The following CRH variants were observed in gnomAD, a reference collection of about 807,000 sequenced individuals.
CRH encodes the protein corticotropin-releasing hormone.
CRH carries 6 observed loss-of-function variants against 11.1 expected under a neutral mutation model. The ratio of observed to expected loss-of-function variants is 0.54; its 90% CI spans 0.30 to 1.07. The LOEUF is 1.07. Among genes scored for constraint, CRH ranks in the 50% least tolerant of loss-of-function variants. The pLI, the probability that CRH is intolerant of heterozygous loss-of-function variation, is 0.07. For missense variants in CRH, 289 were observed against 269.4 expected (o/e 1.07, Z -0.51); for synonymous variants, 155 against 132.0 (o/e 1.17, Z -1.19).
rs1414237665 is a variant in CRH at position 66,177,170 on chromosome 8, G to A, written c.308C>T (p.Ser103Leu). The change falls in exon 2 of 2, where the codon TCG (serine) becomes TTG (leucine). Residue 103 changes from serine (S) to leucine (L), a missense_variant. Around this residue, in one of 2 missense-constraint regions of CRH, gnomAD observed 261 missense variants for 219.0 expected, o/e 1.19. Coordinates refer to ENST00000276571, the MANE Select transcript of CRH (RefSeq NM_000756.4). ...LLAGGSGSRP[S>L]PEQATANFFR... ...AAAGTTGGCGGTCGCCTGTTCCGGC[G>A]AAGGGCGGCTGCCGCTGCCTCCGGC... 1.9e-6 allele frequency: 3 copies of A among 1,541,642 alleles called. No individual in the cohort carries two copies. The highest frequency in any genetic ancestry group is 2.7e-5 in the African/African-American group (2 of 73,002).
intron 1 of CRH, among the ~76,000 whole-genome samples, chr8:66,177,901 A>G (rs1368446823): frequency 2.0e-5 from 3 of 150,510 alleles, no homozygotes; most frequent in African/African-American, 7.4e-5. Context: ...ATTGAGAACT[A>G]CTGCCTCATG....
In CRH at chr8:66,177,185, C is replaced by A. The variant is rs772847264; in HGVS notation, c.293G>T (p.Ser98Ile). The part of the protein sequence containing the change: ...SPASSLLAGG[S>I]GSRPSPEQAT... ...CTGTTCCGGCGAAGGGCGGCTGCCGCTGCCTCCGGCGAGGAGCGAGGAGGC... is the reference window on the plus strand; with the variant it reads ...CTGTTCCGGCGAAGGGCGGCTGCCGATGCCTCCGGCGAGGAGCGAGGAGGC... The change falls in exon 2 of 2, where the codon AGC becomes ATC. Residue 98 changes from serine to isoleucine, a missense_variant. By Grantham distance (142) the Ser-to-Ile change is moderately radical (BLOSUM62 -2). Coordinates refer to ENST00000276571, the MANE Select transcript of CRH (RefSeq NM_000756.4). The A allele has an allele frequency of 1.3e-6, 2 of 1,541,144 alleles. No homozygotes were observed. Among genetic ancestry groups the A allele is most frequent in the South Asian group, 2.4e-5 (2 of 84,326 alleles).
rs769613042 is a variant in CRH at position 66,177,184 on chromosome 8, G to T, written c.294C>A (p.Ser98Arg). ...SPASSLLAGG[S>R]GSRPSPEQAT... ...CCTGTTCCGGCGAAGGGCGGCTGCC[G>T]CTGCCTCCGGCGAGGAGCGAGGAGG... The change falls in exon 2 of 2, where the codon AGC becomes AGA. Residue 98 changes from serine to arginine, a missense_variant. By Grantham distance (110) the Ser-to-Arg change is moderately radical. Transcript: ENST00000276571. 8 of 1,540,878 alleles carry T rather than the reference G, an allele frequency of 5.2e-6. No individual in the cohort carries two copies. Among genetic ancestry groups the T allele is most frequent in the Non-Finnish European group, 7.0e-6 (8 of 1,146,488 alleles).
intron 1 of CRH, among the ~76,000 whole-genome samples, chr8:66,177,971 TG>T (rs1811932363): frequency 6.8e-6 from 1 of 147,494 alleles, no homozygotes; most frequent in Non-Finnish European, 1.5e-5. Context: ...TAGAAGGGGG[TG>T]GGGGAGCTCC....
intron 1 of CRH, among the ~76,000 whole-genome samples, chr8:66,177,918 C>T (rs1811931762): frequency 6.6e-6 from 1 of 151,970 alleles, no homozygotes; most frequent in South Asian, 2.1e-4. Flanking sequence ...CATGGTCCTC[C>T]CTCTCCACTT....
In CRH at chr8:66,176,607, G is replaced by T; in HGVS notation, c.*280C>A. 4.3e-6 allele frequency: 1 copy of T among 233,958 alleles called. No homozygotes were observed. Among genetic ancestry groups the T allele is most frequent in the Non-Finnish European group, 8.1e-6 (1 of 123,956 alleles). 14.5% of individuals were successfully genotyped at this position (233,958 alleles called of 1,614,324 possible). A position where few individuals can be genotyped will look rare whatever the true frequency, so the allele number is the denominator to read the frequency against. ...TTCTGTCTGCTTTTTCAAACAAAAC[G>T]TTTTCTCACAGGTCTACATTCTCTT... On this transcript the variant is annotated 3_prime_UTR_variant, in exon 2 of 2. Coordinates refer to ENST00000276571, the MANE Select transcript of CRH (RefSeq NM_000756.4).
At chr8:66,177,628 T>G (rs1047826570) in intron 1 of CRH, 137 bp from the exon 2 acceptor site, 3 of 1,255,170 alleles carry the variant, frequency 2.4e-6, no homozygotes, top group Non-Finnish European at 3.2e-6. Flanking sequence ...GGCTTTGGCC[T>G]CAGTGATTCG....
rs1245185900 is a variant in CRH, at chr8:66,177,213, G to A, written c.265C>T (p.Pro89Ser). ...LNKSPAAPLS[P>S]ASSLLAGGSG... ...CCTCCGGCGAGGAGCGAGGAGGCGGGCGAAAGGGGAGCGGCCGGGCTCTTG... is the reference window on the plus strand; with the variant it reads ...CCTCCGGCGAGGAGCGAGGAGGCGGACGAAAGGGGAGCGGCCGGGCTCTTG... Residue 89 changes from proline to serine, a missense_variant, in exon 2 of 2, where the codon CCC becomes TCC. Physicochemically the swap from Pro to Ser is moderately conservative, Grantham distance 74. This residue lies in a region of CRH where 261 missense variants were observed against 219.0 expected (regional missense o/e 1.19). Coordinates refer to ENST00000276571, the MANE Select transcript of CRH (RefSeq NM_000756.4). The A allele has an allele frequency of 5.8e-6, 9 of 1,541,208 alleles. 1 individual carries two copies. In the Middle Eastern group the frequency reaches 8.5e-4, roughly 145 times the overall value.
chr8:66,178,095 C>G (rs28364014), intron 1 of CRH, among the ~76,000 whole-genome samples, 198 bp downstream of exon 1: 6,206 of 152,172 alleles, frequency 0.041, 394 homozygotes, highest in African/African-American at 0.14. Context: ...AGTCCGCGAA[C>G]ACGCGCGCAC....
chr8:66,176,762 C>A lies in CRH; in HGVS notation c.*125G>T. ...GGGTATAGGCTCTCTCCCTCTCTCC[C>A]TCTATGTTTCAAGCTATATAAAAAT... On this transcript the variant is annotated 3_prime_UTR_variant, in exon 2 of 2. Transcript: ENST00000276571. The A allele has an allele frequency of 8.0e-7, 1 of 1,247,346 alleles. No homozygotes were observed. The highest frequency in any genetic ancestry group is 1.1e-6 in the Non-Finnish European group (1 of 934,736). 77.3% of individuals were successfully genotyped at this position (1,247,346 alleles called of 1,614,324 possible).
At position 66,177,403 on chromosome 8, in the gene CRH, G is replaced by C; in HGVS notation, c.75C>G (p.Leu25=). The C allele has an allele frequency of 6.5e-7, 1 of 1,539,984 alleles. No individual in the cohort carries two copies. The highest frequency in any genetic ancestry group is 2.4e-5 in the East Asian group (1 of 40,926). ...ALLPCPPCRA[L]LSRGPVPGAR... The stretch of plus-strand genomic sequence containing the variant: ...CTCCCGGGACCGGCCCGCGGCTCAG[G>C]AGCGCCCTGCATGGCGGGCAGGGCA... Residue 25 remains leucine, a synonymous_variant, in exon 2 of 2, where the codon CTC becomes CTG. Coordinates refer to ENST00000276571, the MANE Select transcript of CRH (RefSeq NM_000756.4).
chr8:66,176,947 G>A lies in CRH; in HGVS notation c.531C>T (p.Ala177=), dbSNP rs1185000068. ...TGTGAGCTTGCTGTGCTAACTGCTC[G>A]GCCCTGGCCATTTCCAAGACTTCCC... is the stretch of plus-strand genomic sequence containing the variant. The part of the protein sequence containing the change: ...LLREVLEMAR[A]EQLAQQAHSN... The change falls in exon 2 of 2, where the codon GCC becomes GCT. Residue 177 remains alanine (A), a synonymous_variant. Transcript: ENST00000276571. The A allele has an allele frequency of 5.6e-6, 9 of 1,613,924 alleles. No individual in the cohort carries two copies. Among genetic ancestry groups the A allele is most frequent in the Non-Finnish European group, 5.9e-6 (7 of 1,179,916 alleles).
In CRH at chr8:66,177,421, G is replaced by A. The variant is rs770747312; in HGVS notation, c.57C>T (p.Cys19=). 13 of 1,539,174 alleles carry A rather than the reference G, an allele frequency of 8.4e-6. No individual in the cohort carries two copies. The African/African-American group carries it at 1.8e-4, about 21-fold the overall frequency. ...GGCTCAGGAGCGCCCTGCATGGCGGGCAGGGCAGGAGAGCCACCAGCAGGA... is the reference window on the plus strand; with the variant it reads ...GGCTCAGGAGCGCCCTGCATGGCGGACAGGGCAGGAGAGCCACCAGCAGGA... ...AGVLLVALLP[C]PPCRALLSRG... is the part of the protein sequence containing the mutation. Residue 19 remains cysteine (C), a synonymous_variant, in exon 2 of 2, where the codon TGC becomes TGT. Transcript: ENST00000276571.
At chr8:66,177,849 GCTGA>G (rs1465252556) in intron 1 of CRH, among the ~76,000 whole-genome samples, 1 of 152,008 alleles carries the variant, frequency 6.6e-6, no homozygotes, top group Non-Finnish European at 1.5e-5. Flanking sequence ...TCCCACCCGC[GCTGA>G]CTACCTCCCT....
intron 1 of CRH, 125 bp from the exon 2 acceptor site, chr8:66,177,616 T>G: frequency 7.6e-7 from 1 of 1,319,262 alleles, no homozygotes; most frequent in Non-Finnish European, 1.0e-6. Context: ...TTAGACGTGC[T>G]GGGCTTTGGC....
At position 66,177,185 on chromosome 8, in the gene CRH, C is replaced by T. The variant is rs772847264; in HGVS notation, c.293G>A (p.Ser98Asn). The T allele has an allele frequency of 1.9e-6, 3 of 1,541,144 alleles. No individual in the cohort carries two copies. Among genetic ancestry groups the T allele is most frequent in the African/African-American group, 1.4e-5 (1 of 72,992 alleles). ...SPASSLLAGG[S>N]GSRPSPEQAT... ...CTGTTCCGGCGAAGGGCGGCTGCCG[C>T]TGCCTCCGGCGAGGAGCGAGGAGGC... The change falls in exon 2 of 2, where the codon AGC becomes AAC. Residue 98 changes from serine (S) to asparagine (N), a missense_variant. By Grantham distance (46) the Ser-to-Asn change is conservative. Around this residue, in one of 2 missense-constraint regions of CRH, gnomAD observed 261 missense variants for 219.0 expected, o/e 1.19. Coordinates refer to ENST00000276571, the MANE Select transcript of CRH (RefSeq NM_000756.4).
chr8:66,177,406 C>G lies in CRH; in HGVS notation c.72G>C (p.Ala24=), dbSNP rs560106713. Residue 24 remains alanine (A), a synonymous_variant, in exon 2 of 2, where the codon GCG becomes GCC. Coordinates refer to ENST00000276571, the MANE Select transcript of CRH (RefSeq NM_000756.4). ...VALLPCPPCR[A]LLSRGPVPGA... ...CCGGGACCGGCCCGCGGCTCAGGAG[C>G]GCCCTGCATGGCGGGCAGGGCAGGA... 2 of 1,539,610 alleles carry G rather than the reference C, an allele frequency of 1.3e-6. No homozygotes were observed. Among genetic ancestry groups the G allele is most frequent in the East Asian group, 4.9e-5 (2 of 40,918 alleles).
chr8:66,177,949 C>T (rs998226003), intron 1 of CRH, among the ~76,000 whole-genome samples: 1 of 151,892 alleles, frequency 6.6e-6, no homozygotes, highest in African/African-American at 2.4e-5. Context: ...TGCCTTATCT[C>T]GGGGGTTAGG....
At chr8:66,177,598 GGACTGCCTTA>G (rs1811926946) in intron 1 of CRH, 107 bp from the exon 2 acceptor site, 1 of 1,401,760 alleles carries the variant, frequency 7.1e-7, no homozygotes, top group African/African-American at 1.5e-5. Context: ...TCTTCCTACG[GGACTGCCTTA>G]GACGTGCTGG....
Sources: allele counts gnomAD v4.1 joint callset (sites outside exome capture counted in the v4.1 genomes callset), GRCh38; gene constraint gnomAD v4.1.1; regional missense constraint gnomAD v4.1.1; transcripts MANE v1.5; gene names NCBI Gene and HGNC (gene_info 2026-07-23, HGNC 2026-07-21).